CCDC171: variants seen among roughly 807,000 people sequenced by gnomAD.
CCDC171 encodes coiled-coil domain containing 171.
In CCDC171, 177 loss-of-function variants were observed where a neutral mutation model predicts 168.2. That is an observed-to-expected ratio of 1.05 (90% CI 0.93 to 1.19). CCDC171 has a LOEUF of 1.19. Ranked by LOEUF, CCDC171 falls within the 50% of genes most tolerant of loss-of-function variation. The probability of loss-of-function intolerance (pLI) is 0.00; values close to 1 mark genes in which losing one functional copy is unlikely to be tolerated. For synonymous variants in CCDC171, 687 were observed against 540.8 expected (o/e 1.27, Z -3.75); for missense variants, 1,991 against 1,539.0 (o/e 1.29, Z -4.91).
intron 20 of CCDC171, among the ~76,000 whole-genome samples, chr9:15,781,173 T>A (rs2057648582): frequency 6.6e-6 from 1 of 152,228 alleles, no homozygotes; most frequent in South Asian, 2.1e-4. Context: ...ACAATTTGAT[T>A]TCCTAGTCCA....
At chr9:15,640,290 T>A in intron 7 of CCDC171, among the ~76,000 whole-genome samples, 1 of 152,162 alleles carries the variant, frequency 6.6e-6, no homozygotes. Flanking sequence ...CTCTTTTACA[T>A]GGCAGTTCCC....
chr9:15,733,164 T>G (rs1399199000), intron 16 of CCDC171, among the ~76,000 whole-genome samples: 2 of 152,206 alleles, frequency 1.3e-5, no homozygotes, highest in Non-Finnish European at 2.9e-5. Flanking sequence ...TTGGATTGTG[T>G]GTTTTCTTAT....
the CCDC171 span, among the ~76,000 whole-genome samples, chr9:16,083,450 A>G: frequency 6.6e-6 from 1 of 152,316 alleles, no homozygotes; most frequent in South Asian, 2.1e-4. Context: ...CATCCAGAAT[A>G]TTTCCTCTTG....
At chr9:15,715,598 A>G (rs560547951) in intron 11 of CCDC171, among the ~76,000 whole-genome samples, 7 of 152,334 alleles carry the variant, frequency 4.6e-5, no homozygotes, top group Non-Finnish European at 7.4e-5. Flanking sequence ...GAACGTGACT[A>G]CTCATATCCT....
chr9:15,862,529 A>G (rs2061604249), intron 23 of CCDC171, among the ~76,000 whole-genome samples: 2 of 151,814 alleles, frequency 1.3e-5, no homozygotes, highest in Admixed American at 1.3e-4. Context: ...CCATTTCATT[A>G]GTATTGGTTT....
chr9:15,631,053 C>G (rs951065595), intron 7 of CCDC171, among the ~76,000 whole-genome samples: 2 of 151,944 alleles, frequency 1.3e-5, no homozygotes, highest in African/African-American at 4.8e-5. Flanking sequence ...GCACTAAATG[C>G]CCACAAGAGA....
intron 11 of CCDC171, among the ~76,000 whole-genome samples, chr9:15,719,680 T>A (rs1448792065): frequency 6.6e-6 from 1 of 152,186 alleles, no homozygotes; most frequent in East Asian, 1.9e-4. Flanking sequence ...AATATAAGAA[T>A]GTTCATAGGT....
intron 18 of CCDC171, among the ~76,000 whole-genome samples, chr9:15,768,389 A>AT (rs964014227): frequency 1.3e-5 from 2 of 151,818 alleles, no homozygotes; most frequent in South Asian, 2.1e-4. Context: ...TTATTGGGTT[A>AT]TTTTTTTATC....
At chr9:15,706,126 A>G (rs180927429) in intron 11 of CCDC171, among the ~76,000 whole-genome samples, 22 of 152,282 alleles carry the variant, frequency 1.4e-4, no homozygotes, top group Admixed American at 5.2e-4. Context: ...TTGAAGCACT[A>G]CAGTTGCTCC....
chr9:15,771,629 A>G (rs1289186534), intron 18 of CCDC171, among the ~76,000 whole-genome samples: 1 of 152,090 alleles, frequency 6.6e-6, no homozygotes, highest in Non-Finnish European at 1.5e-5. Flanking sequence ...TGATATTTTT[A>G]TATAGTTTAA....
chr9:15,575,089 A>G (rs2040534384), intron 3 of CCDC171, among the ~76,000 whole-genome samples: 1 of 151,448 alleles, frequency 6.6e-6, no homozygotes, highest in East Asian at 2.0e-4. Flanking sequence ...TGGCCCAGAT[A>G]GTGATAACAG....
chr9:15,845,406 G>A (rs566586094), intron 21 of CCDC171, among the ~76,000 whole-genome samples: 1 of 152,110 alleles, frequency 6.6e-6, no homozygotes, highest in Non-Finnish European at 1.5e-5. Flanking sequence ...TCGACTATTT[G>A]AAAAGTGAAT....
intron 19 of CCDC171, among the ~76,000 whole-genome samples, chr9:15,778,169 C>T (rs559616816): frequency 3.2e-4 from 48 of 151,134 alleles, no homozygotes; most frequent in African/African-American, 1.1e-3. Context: ...CGGTGGCGGG[C>T]GCCTGTAGTC....
Position 15,744,824 on chromosome 9 carries a change from A to G in CCDC171, c.2554+47A>G, listed in dbSNP as rs747282989. ...AAAATATAAGTTGCATGTAAGCGAA[A>G]TACAGTGTGACTATACCTGGCTATT... On this transcript the variant is annotated intron_variant, in intron 17 of 25. Coordinates refer to ENST00000380701, the MANE Select transcript of CCDC171 (RefSeq NM_173550.4). 1.2e-5 allele frequency: 19 copies of G among 1,558,910 alleles called. No homozygotes were observed. The South Asian group carries it at 2.1e-4, about 18-fold the overall frequency.
At chr9:15,776,077 A>G (rs1025441282) in intron 18 of CCDC171, 13 of 152,156 alleles carry the variant, frequency 8.5e-5, no homozygotes, top group Admixed American at 2.6e-4. Flanking sequence ...AATTCCTTTA[A>G]CTCAGTGTTC....
At chr9:16,027,026 T>C (rs2133034351) in intron 6 of CCDC171, among the ~76,000 whole-genome samples, 1 of 152,330 alleles carries the variant, frequency 6.6e-6, no homozygotes, top group South Asian at 2.1e-4. Flanking sequence ...GAGCTATCAG[T>C]TCTATGCCTT....
In CCDC171 at chr9:15,884,493, G is replaced by A. The variant is rs139030854; in HGVS notation, c.3600+9830G>A. Among the ~76,000 whole-genome samples, 19 of 152,244 alleles carry A rather than the reference G, an allele frequency of 1.2e-4. No homozygotes were observed. The East Asian group carries it at 3.1e-3, about 25-fold the overall frequency. On this transcript the variant is annotated intron_variant, in intron 24 of 25. Transcript: ENST00000380701. ...CAACCATAAGTCTGTGCAATTTACTGTATGTCATTGAGTTATGTTGATTAG... is the reference window on the plus strand; with the variant it reads ...CAACCATAAGTCTGTGCAATTTACTATATGTCATTGAGTTATGTTGATTAG...
intron 24 of CCDC171, among the ~76,000 whole-genome samples, chr9:15,896,448 T>C (rs1820912020): frequency 6.6e-6 from 1 of 152,044 alleles, no homozygotes; most frequent in Non-Finnish European, 1.5e-5. Context: ...CTTTGAGTGA[T>C]GGGATAAGTC....
At chr9:15,755,361 T>C (rs1199251051) in intron 18 of CCDC171, among the ~76,000 whole-genome samples, 5 of 152,066 alleles carry the variant, frequency 3.3e-5, no homozygotes, top group Admixed American at 6.6e-5. Context: ...TGGAAAAGAG[T>C]CTGGAAGTTC....
Sources: gnomAD v4.1 joint callset for allele counts (sites outside exome capture counted in the v4.1 genomes callset) on GRCh38, gnomAD v4.1.1 for gene constraint, MANE v1.5 for transcripts, NCBI Gene and HGNC (gene_info 2026-07-23, HGNC 2026-07-21) for gene names.